TEX14: variants seen among roughly 807,000 people sequenced by gnomAD.
TEX14 encodes the protein testis expressed 14, intercellular bridge forming factor.
Under a neutral mutation model 178.6 loss-of-function variants are expected in TEX14, and 168 were observed. The observed-to-expected ratio is 0.94, with a 90% CI of 0.83 to 1.07. The LOEUF is 1.07. TEX14 is among the 50% of genes least tolerant of loss of function. The probability of loss-of-function intolerance (pLI) is 0.00; values close to 1 mark genes in which losing one functional copy is unlikely to be tolerated. For missense variants in TEX14, 1,730 were observed against 1,753.6 expected (o/e 0.99, Z 0.24); for synonymous variants, 626 against 634.1 (o/e 0.99, Z 0.19).
Position 58,612,708 on chromosome 17 carries a change from C to A in TEX14, c.1005+713G>T, listed in dbSNP as rs181862982. On this transcript the variant is annotated intron_variant, in intron 9 of 31. Coordinates refer to ENST00000349033, the MANE Select transcript of TEX14 (RefSeq NM_031272.5). ...AGAGATCGTGCCACTGTACTCCAGC[C>A]TGGGTGACAGAAGGAGACTCTTGTC... 1.8e-3 allele frequency among the ~76,000 whole-genome samples: 258 copies of A among 144,714 alleles called. 1 individual carries two copies. Among genetic ancestry groups the A allele is most frequent in the African/African-American group, 6.1e-3 (237 of 38,662 alleles). 94.9% of individuals were successfully genotyped at this position (144,714 alleles called of 152,430 possible).
intron 17 of TEX14, among the ~76,000 whole-genome samples, chr17:58,586,515 T>C (rs187538438): frequency 4.9e-4 from 75 of 152,344 alleles, no homozygotes; most frequent in Non-Finnish European, 7.2e-4. Flanking sequence ...ATTTCAAATG[T>C]TGTCAAACAC....
intron 1 of TEX14, among the ~76,000 whole-genome samples, chr17:58,689,656 AG>A (rs2047658750): frequency 6.6e-6 from 1 of 152,138 alleles, no homozygotes; most frequent in African/African-American, 2.4e-5. Flanking sequence ...CCTCCCTGAA[AG>A]ATTTTTTTTG....
rs1308664742 is a variant in TEX14 at position 58,616,164 on chromosome 17, C to T, written c.767+11G>A. ...CTGAATCAGACCTCAAACTGGCCAG[C>T]CCCCACTTACTTGGTCATGACCATG... On this transcript the variant is annotated intron_variant, in intron 7 of 31. Coordinates refer to ENST00000349033, the MANE Select transcript of TEX14 (RefSeq NM_031272.5). 5.0e-6 allele frequency: 8 copies of T among 1,608,530 alleles called. No individual in the cohort carries two copies. The highest frequency in any genetic ancestry group is 2.5e-6 in the Non-Finnish European group (3 of 1,178,094).
At chr17:58,631,105 C>T (rs1334113148) in intron 2 of TEX14, 9 of 951,348 alleles carry the variant, frequency 9.5e-6, no homozygotes, top group Non-Finnish European at 1.1e-5. Flanking sequence ...ATATGCCTTA[C>T]CTACCAAGAA....
At chr17:58,603,485 G>T (rs1227109419) in intron 11 of TEX14, among the ~76,000 whole-genome samples, 2 of 151,162 alleles carry the variant, frequency 1.3e-5, no homozygotes, top group African/African-American at 4.9e-5. Context: ...AACCCAGGAG[G>T]TGGAGGTTGC....
chr17:58,649,434 C>G (rs1461828470), intron 2 of TEX14, among the ~76,000 whole-genome samples: 1 of 152,014 alleles, frequency 6.6e-6, no homozygotes, highest in Non-Finnish European at 1.5e-5. Flanking sequence ...CCTAACAAGC[C>G]CTCTATTAGA....
chr17:58,636,852 G>A (rs1388764554), intron 2 of TEX14, among the ~76,000 whole-genome samples: 1 of 151,882 alleles, frequency 6.6e-6, no homozygotes, highest in Non-Finnish European at 1.5e-5. Flanking sequence ...GGCAGAGGTT[G>A]CAGTGAGCTG....
At chr17:58,632,526 C>G (rs528198263) in intron 2 of TEX14, among the ~76,000 whole-genome samples, 1 of 152,292 alleles carries the variant, frequency 6.6e-6, no homozygotes, top group South Asian at 2.1e-4. Flanking sequence ...CAACATATTC[C>G]CCTGGTTTAA....
intron 19 of TEX14, chr17:58,581,538 A>AT: frequency 6.5e-7 from 1 of 1,545,078 alleles, no homozygotes; most frequent in Non-Finnish European, 8.8e-7. Context: ...TATGTAAGCT[A>AT]TTTTTCTCAA....
At chr17:58,664,228 A>C (rs182784394) in intron 1 of TEX14, among the ~76,000 whole-genome samples, 1 of 152,338 alleles carries the variant, frequency 6.6e-6, no homozygotes, top group East Asian at 1.9e-4. Flanking sequence ...TCACATGAGG[A>C]AAGTAATACT....
chr17:58,570,485 C>A lies in TEX14; in HGVS notation c.3718-1G>T, dbSNP rs1365224938. ...CCCCAATAAATGAAGACAATCTTTT[C>A]TATAAGGAAGAGATAAACATGGTAA... On this transcript the variant is annotated splice_acceptor_variant, in intron 24 of 31. Coordinates refer to ENST00000349033, the MANE Select transcript of TEX14 (RefSeq NM_031272.5). LOFTEE classifies it high-confidence loss of function. 6.6e-7 allele frequency: 1 copy of A among 1,522,768 alleles called. No homozygotes were observed. Among genetic ancestry groups the A allele is most frequent in the African/African-American group, 1.5e-5 (1 of 68,568 alleles). 94.3% of individuals were successfully genotyped at this position (1,522,768 alleles called of 1,614,324 possible). A position where few individuals can be genotyped will look rare whatever the true frequency, so the allele number is the denominator to read the frequency against.
At chr17:58,643,178 T>C (rs1317726525) in intron 2 of TEX14, among the ~76,000 whole-genome samples, 1 of 152,190 alleles carries the variant, frequency 6.6e-6, no homozygotes, top group Non-Finnish European at 1.5e-5. Flanking sequence ...TGGTTTTCCC[T>C]TCCTTCTTAT....
intron 1 of TEX14, among the ~76,000 whole-genome samples, chr17:58,679,263 A>G (rs897332002): frequency 6.6e-6 from 1 of 152,218 alleles, no homozygotes; most frequent in African/African-American, 2.4e-5. Context: ...AAAGGGCTAC[A>G]AACAAGGAAA....
chr17:58,650,027 A>G (rs1351436808), intron 2 of TEX14, among the ~76,000 whole-genome samples: 1 of 151,506 alleles, frequency 6.6e-6, no homozygotes, highest in Non-Finnish European at 1.5e-5. Context: ...GGCGTGTGCC[A>G]CTGCGCCCAG....
chr17:58,643,034 T>C (rs1402141530), intron 2 of TEX14, among the ~76,000 whole-genome samples: 5 of 152,218 alleles, frequency 3.3e-5, no homozygotes, highest in African/African-American at 1.2e-4. Context: ...ACATGTCTTA[T>C]TTATCTCTGT....
intron 1 of TEX14, among the ~76,000 whole-genome samples, chr17:58,652,752 C>T (rs1463290232): frequency 6.6e-6 from 1 of 152,132 alleles, no homozygotes; most frequent in Non-Finnish European, 1.5e-5. Flanking sequence ...AAGGTTAGAA[C>T]ACAAATGCAG....
intron 1 of TEX14, among the ~76,000 whole-genome samples, chr17:58,679,886 C>G (rs1482667965): frequency 6.6e-6 from 1 of 152,110 alleles, no homozygotes; most frequent in Non-Finnish European, 1.5e-5. Flanking sequence ...GTGCAAATAG[C>G]CAGCAGTCAC....
chr17:58,683,372 C>A (rs1428526093), intron 1 of TEX14, among the ~76,000 whole-genome samples: 2 of 150,000 alleles, frequency 1.3e-5, no homozygotes, highest in African/African-American at 2.5e-5. Flanking sequence ...GACTCCATCC[C>A]CCCCCCCAAA....
intron 15 of TEX14, among the ~76,000 whole-genome samples, chr17:58,591,478 A>T (rs939374376): frequency 6.6e-6 from 1 of 152,144 alleles, no homozygotes; most frequent in Non-Finnish European, 1.5e-5. Flanking sequence ...ATATCGCGCC[A>T]TTGCACTCCA....
Sources: allele counts gnomAD v4.1 joint callset (sites outside exome capture counted in the v4.1 genomes callset), GRCh38; gene constraint gnomAD v4.1.1; transcripts MANE v1.5; gene names NCBI Gene and HGNC (gene_info 2026-07-23, HGNC 2026-07-21).